Variants in OXR1 observed in about 807,000 individuals in gnomAD.
OXR1 encodes the protein oxidation resistance protein 1.
A neutral mutation model predicts 104.6 loss-of-function variants in OXR1; 41 were observed. That is an observed-to-expected ratio of 0.39 (90% CI 0.31 to 0.51). The LOEUF (loss-of-function observed/expected upper bound fraction) is 0.51. Ranked by LOEUF, OXR1 falls within the 20% of genes least tolerant of loss-of-function variation. The pLI, the probability that OXR1 is intolerant of heterozygous loss-of-function variation, is 0.77. For missense variants in OXR1, 955 were observed against 1,031.9 expected (o/e 0.93, Z 1.02); for synonymous variants, 348 against 348.4 (o/e 1.00, Z 0.01).
chr8:106,463,945 T>A (rs926737688), intron 2 of OXR1, among the ~76,000 whole-genome samples: 6 of 152,146 alleles, frequency 3.9e-5, no homozygotes, highest in Non-Finnish European at 8.8e-5. Context: ...AGTTTCTTCA[T>A]AGATACATAA....
At chr8:106,332,049 C>T (rs1338786185) in intron 1 of OXR1, among the ~76,000 whole-genome samples, 1 of 137,340 alleles carries the variant, frequency 7.3e-6, no homozygotes, top group Non-Finnish European at 1.6e-5. Flanking sequence ...TGTGAATGCC[C>T]TTCTTCCTCC....
chr8:106,397,317 C>T (rs1165987921), intron 2 of OXR1, among the ~76,000 whole-genome samples: 1 of 152,014 alleles, frequency 6.6e-6, no homozygotes, highest in Non-Finnish European at 1.5e-5. Context: ...TGGGGTAAGG[C>T]TGAGGAGAGG....
At chr8:106,272,095 T>G (rs1391917035) in intron 1 of OXR1, 1 of 152,080 alleles carries the variant, frequency 6.6e-6, no homozygotes, top group Non-Finnish European at 1.5e-5. Context: ...CATGTAAATA[T>G]AGCGAAAAAA....
intron 2 of OXR1, among the ~76,000 whole-genome samples, chr8:106,510,698 T>C (rs780466495): frequency 2.6e-5 from 4 of 151,756 alleles, no homozygotes; most frequent in Non-Finnish European, 5.9e-5. Context: ...AGAGAATTTC[T>C]TGTTTTTTTG....
At position 106,739,547 on chromosome 8, in the gene OXR1, T is replaced by A; in HGVS notation, c.2127T>A (p.Asp709Glu). 5 of 1,613,532 alleles carry A rather than the reference T, an allele frequency of 3.1e-6. No homozygotes were observed. The change falls in exon 13 of 17, where the codon GAT (aspartate) becomes GAA (glutamate). Residue 709 changes from aspartate to glutamate, a missense_variant. This residue lies in a region of OXR1 where 849 missense variants were observed against 852.9 expected (regional missense o/e 1.00). Coordinates refer to ENST00000517566, the MANE Select transcript of OXR1 (RefSeq NM_001198533.2). ...ESESFRPNLS[D>E]PSELLLPDQI... is the part of the protein sequence containing the mutation. ...AATCTTTTCGACCAAACCTAAGTGA[T>A]CCCAGTGAACTTTTACTGCCAGATC...
At chr8:106,736,563 CACCATTAGCGTTCACTGTAGTAT>C (rs1479520323) in intron 11 of OXR1, among the ~76,000 whole-genome samples, 1 of 152,164 alleles carries the variant, frequency 6.6e-6, no homozygotes, top group Non-Finnish European at 1.5e-5. Flanking sequence ...ATATTTATCA[CACCATTAGCGTTCACTGTAGTAT>C]GGTAACTGTT....
At chr8:106,690,300 ATAT>A (rs1210889285) in intron 6 of OXR1, among the ~76,000 whole-genome samples, 3 of 151,092 alleles carry the variant, frequency 2.0e-5, no homozygotes, top group East Asian at 3.9e-4. Context: ...TACTACATTC[ATAT>A]TATTACATAT....
At chr8:106,491,342 GCAGA>G (rs980512042) in intron 2 of OXR1, among the ~76,000 whole-genome samples, 36 of 152,214 alleles carry the variant, frequency 2.4e-4, no homozygotes, top group African/African-American at 8.4e-4. Flanking sequence ...ATATGTATGT[GCAGA>G]CAAACATATT....
intron 3 of OXR1, among the ~76,000 whole-genome samples, chr8:106,553,803 G>A (rs1160801314): frequency 6.6e-6 from 1 of 152,014 alleles, no homozygotes; most frequent in East Asian, 1.9e-4. Context: ...CTTCCAGGAG[G>A]CCTTCATAGT....
At chr8:106,319,487 A>G (rs896434886) in intron 1 of OXR1, among the ~76,000 whole-genome samples, 6 of 152,228 alleles carry the variant, frequency 3.9e-5, no homozygotes, top group African/African-American at 1.4e-4. Flanking sequence ...GAAACAAGGC[A>G]TATTGAGGTA....
chr8:106,369,757 T>C (rs1333820928), intron 2 of OXR1, among the ~76,000 whole-genome samples: 1 of 152,216 alleles, frequency 6.6e-6, no homozygotes, highest in Admixed American at 6.5e-5. Context: ...TTGGTCTATA[T>C]GTCTATTTTG....
intron 1 of OXR1, among the ~76,000 whole-genome samples, chr8:106,351,578 T>C (rs1363424330): frequency 6.6e-6 from 1 of 151,984 alleles, no homozygotes; most frequent in Non-Finnish European, 1.5e-5. Flanking sequence ...AGCTGAAATA[T>C]AGTGTGTATT....
chr8:106,521,761 C>T (rs1813280973), intron 3 of OXR1, among the ~76,000 whole-genome samples: 1 of 152,154 alleles, frequency 6.6e-6, no homozygotes, highest in African/African-American at 2.4e-5. Flanking sequence ...ATCTGCCCAC[C>T]TCAGCCTCCC....
intron 1 of OXR1, among the ~76,000 whole-genome samples, chr8:106,319,369 C>A (rs1814117088): frequency 6.6e-6 from 1 of 152,138 alleles, no homozygotes; most frequent in Non-Finnish European, 1.5e-5. Context: ...TAAAGGCAGC[C>A]CATTTCAGAC....
intron 1 of OXR1, among the ~76,000 whole-genome samples, chr8:106,299,081 T>C (rs569096459): frequency 2.5e-4 from 38 of 152,132 alleles, no homozygotes; most frequent in Admixed American, 5.9e-4. Flanking sequence ...ATCTCAGTGT[T>C]TTAGACCACA....
intron 12 of OXR1, 41 bp from the exon 13 acceptor site, chr8:106,739,417 A>G (rs748128629): frequency 2.4e-5 from 37 of 1,568,470 alleles, no homozygotes; most frequent in Non-Finnish European, 3.1e-5. Context: ...AAAGCATGTC[A>G]CAAGTTTACA....
In OXR1 at chr8:106,359,609, C is replaced by T. The variant is rs368917619; in HGVS notation, c.-5C>T. On this transcript the variant is annotated 5_prime_UTR_variant, in exon 2 of 17. Coordinates refer to ENST00000517566, the MANE Select transcript of OXR1 (RefSeq NM_001198533.2). ...CGAGAGAAGACTCCTCAACAAGTTGCTGCAATGTCTGTGTCTAATCTATCA... is the reference window on the plus strand; with the variant it reads ...CGAGAGAAGACTCCTCAACAAGTTGTTGCAATGTCTGTGTCTAATCTATCA... 1.2e-5 allele frequency: 19 copies of T among 1,548,876 alleles called. No homozygotes were observed. The African/African-American group carries it at 2.1e-4, about 17-fold the overall frequency.
intron 2 of OXR1, among the ~76,000 whole-genome samples, chr8:106,376,192 T>C (rs1400005782): frequency 6.6e-6 from 1 of 152,208 alleles, no homozygotes; most frequent in Non-Finnish European, 1.5e-5. Context: ...TCATTTGAGC[T>C]AAGGTGAAAA....
intron 2 of OXR1, among the ~76,000 whole-genome samples, chr8:106,468,780 T>C (rs1821325815): frequency 6.6e-6 from 1 of 151,932 alleles, no homozygotes; most frequent in Middle Eastern, 3.4e-3. Context: ...AGTCTAATAA[T>C]GTTTGCAGAA....
Sources: allele counts gnomAD v4.1 joint callset (sites outside exome capture counted in the v4.1 genomes callset), GRCh38; gene constraint gnomAD v4.1.1; regional missense constraint gnomAD v4.1.1; transcripts MANE v1.5; gene names NCBI Gene and HGNC (gene_info 2026-07-23, HGNC 2026-07-21).